The following DHX29 variants were observed in gnomAD, a reference collection of about 807,000 sequenced individuals.
The protein encoded by DHX29 is DExH-box helicase 29, also known as ATP-dependent RNA helicase DHX29.
In DHX29, 79 loss-of-function variants were observed where a neutral mutation model predicts 167.9. The observed-to-expected ratio is 0.47, with a 90% CI of 0.39 to 0.57. The LOEUF is 0.57. Ranked by LOEUF, DHX29 falls within the 20% of genes least tolerant of loss-of-function variation. DHX29 has a pLI of 0.00. For synonymous variants in DHX29, 530 were observed against 546.0 expected (o/e 0.97, Z 0.41); for missense variants, 1,347 against 1,593.4 (o/e 0.85, Z 2.63).
chr5:55,261,317 A>C, intron 25 of DHX29, 51 bp downstream of exon 25: 1 of 1,011,792 alleles, frequency 9.9e-7, no homozygotes, highest in Non-Finnish European at 1.5e-6. Context: ...CCTCAATGGT[A>C]CTGGAAGTTG....
In DHX29 at chr5:55,270,488, C is replaced by G. The variant is rs1287516349; in HGVS notation, c.2994-1G>C. On this transcript the variant is annotated splice_acceptor_variant, in intron 19 of 26. Coordinates refer to ENST00000251636, the MANE Select transcript of DHX29 (RefSeq NM_019030.4). LOFTEE classifies it high-confidence loss of function. ...AGAATAATCCATAAAGCCTTCAAAT[C>G]TGAAAAATAAAGTAATACTAAATAC... is the stretch of plus-strand genomic sequence containing the variant. 1 of 1,613,212 alleles carries G rather than the reference C, an allele frequency of 6.2e-7. No homozygotes were observed. The highest frequency in any genetic ancestry group is 1.7e-5 in the Admixed American group (1 of 59,850).
chr5:55,274,514 C>A, intron 16 of DHX29, 100 bp downstream of exon 16: 1 of 827,976 alleles, frequency 1.2e-6, no homozygotes. Context: ...AATTTTAACC[C>A]ATGGTGAAAA....
chr5:55,299,000 G>T (rs578098066), intron 1 of DHX29, among the ~76,000 whole-genome samples: 52 of 137,250 alleles, frequency 3.8e-4, no homozygotes, highest in Non-Finnish European at 6.6e-4. Context: ...ACTGCAGTCC[G>T]CAGTCCGGCC....
At chr5:55,276,008 G>A (rs551653120) in intron 14 of DHX29, among the ~76,000 whole-genome samples, 2 of 152,238 alleles carry the variant, frequency 1.3e-5, no homozygotes, top group Admixed American at 1.3e-4. Flanking sequence ...AATTTGTATG[G>A]TCCTTGATTT....
Position 55,285,348 on chromosome 5 carries a change from AT to A in DHX29, c.1300del (p.Met434CysfsTer10). The A allele has an allele frequency of 6.2e-7, 1 of 1,613,966 alleles. No homozygotes were observed. Reference sequence around the variant, plus strand: ...AGTAGCTCCCAGGTGCTGAGCTTGCATGCCATCTTCTGTTAAGATTGTAGGG... The same window carrying A: ...AGTAGCTCCCAGGTGCTGAGCTTGCAGCCATCTTCTGTTAAGATTGTAGGG... Reference protein sequence around the residue: ...VCPTILTEDGMQAQHLGATLA... With the variant: ...VCPTILTEDGXQAQHLGATLA... On this transcript the variant is annotated frameshift_variant, in exon 10 of 27. Coordinates refer to ENST00000251636, the MANE Select transcript of DHX29 (RefSeq NM_019030.4). LOFTEE classifies it high-confidence loss of function.
chr5:55,291,662 T>A (rs1174999132), intron 6 of DHX29, among the ~76,000 whole-genome samples: 1 of 152,196 alleles, frequency 6.6e-6, no homozygotes, highest in Non-Finnish European at 1.5e-5. Flanking sequence ...TCTATTCCCA[T>A]TAAGCATAAC....
At chr5:55,267,489 C>A (rs1225910565) in intron 22 of DHX29, among the ~76,000 whole-genome samples, 197 bp downstream of exon 22, 1 of 151,786 alleles carries the variant, frequency 6.6e-6, no homozygotes, top group East Asian at 1.9e-4. Flanking sequence ...CATATAATAC[C>A]AAATATATTA....
chr5:55,294,045 CTT>C lies in DHX29; in HGVS notation c.750_751del (p.Ser251PhefsTer8). 1 of 1,608,536 alleles carries C rather than the reference CTT, an allele frequency of 6.2e-7. No individual in the cohort carries two copies. The highest frequency in any genetic ancestry group is 8.5e-7 in the Non-Finnish European group (1 of 1,178,244). On this transcript the variant is annotated frameshift_variant, in exon 6 of 27. Transcript: ENST00000251636. LOFTEE classifies it high-confidence loss of function. ...GTCAAATTTTTCCTCCTCTTCTAAA[CTT>C]TTAGAATTCTCATTCTTTTCTTCTT...
At chr5:55,277,905 C>CAA (rs753851538) in intron 12 of DHX29, among the ~76,000 whole-genome samples, 90 of 61,806 alleles carry the variant, frequency 1.5e-3, no homozygotes, top group Admixed American at 3.1e-3. Flanking sequence ...GACTCTATCT[C>CAA]AAAAAAAAAA....
intron 21 of DHX29, among the ~76,000 whole-genome samples, chr5:55,269,014 TAAA>T (rs1460800623): frequency 2.0e-5 from 3 of 151,738 alleles, no homozygotes; most frequent in Admixed American, 2.0e-4. Context: ...TATATAAATA[TAAA>T]AAGTTAAATA....
chr5:55,297,865 T>C (rs1748400902), intron 2 of DHX29, among the ~76,000 whole-genome samples: 1 of 152,230 alleles, frequency 6.6e-6, no homozygotes, highest in Non-Finnish European at 1.5e-5. Context: ...GCTTCTAGAC[T>C]TTGATTCCTA....
rs1017980056 is a variant in DHX29, at chr5:55,273,327, G to A, written c.2741C>T (p.Ala914Val). 5 of 1,597,452 alleles carry A rather than the reference G, an allele frequency of 3.1e-6. No individual in the cohort carries two copies. Among genetic ancestry groups the A allele is most frequent in the Non-Finnish European group, 4.3e-6 (5 of 1,169,186 alleles). Residue 914 changes from alanine (A) to valine (V), a missense_variant, in exon 17 of 27, where the codon GCA becomes GTA. This residue lies in a region of DHX29 where 882 missense variants were observed against 1,082.4 expected (regional missense o/e 0.81). Transcript: ENST00000251636. ...TCCTGGAGGGGGAAGTGTGAATGCT[G>A]CAGCTTGATCTTGGGTTGAAAGAAT... ...HSILSTQDQA[A>V]AFTLPPPGVR...
At chr5:55,293,314 G>A (rs770038241) in intron 6 of DHX29, among the ~76,000 whole-genome samples, 25 of 152,172 alleles carry the variant, frequency 1.6e-4, no homozygotes, top group Non-Finnish European at 3.7e-4. Context: ...TGGGTCACAT[G>A]ACAAGTATTT....
chr5:55,299,843 C>A (rs982129696), intron 1 of DHX29, among the ~76,000 whole-genome samples: 11 of 152,170 alleles, frequency 7.2e-5, no homozygotes, highest in African/African-American at 2.4e-4. Flanking sequence ...ACTCACTCAA[C>A]CCACTACAGT....
At position 55,283,350 on chromosome 5, in the gene DHX29, T is replaced by G; in HGVS notation, c.1818A>C (p.Pro606=). 6.2e-7 allele frequency: 1 copy of G among 1,614,190 alleles called. No individual in the cohort carries two copies. Among genetic ancestry groups the G allele is most frequent in the Non-Finnish European group, 8.5e-7 (1 of 1,180,020 alleles). Residue 606 remains proline (P), a synonymous_variant, in exon 11 of 27, where the codon CCA becomes CCC. Coordinates refer to ENST00000251636, the MANE Select transcript of DHX29 (RefSeq NM_019030.4). Reference sequence around the variant, plus strand: ...GAAGCAAATCTTCCAATAGAAAATGTGGTACCTGAGTACTTTTACCACTCC... The same window carrying G: ...GAAGCAAATCTTCCAATAGAAAATGGGGTACCTGAGTACTTTTACCACTCC... The part of the protein sequence containing the change: ...ETGSGKSTQV[P]HFLLEDLLLN...
At chr5:55,300,034 T>C (rs1180187146) in intron 1 of DHX29, among the ~76,000 whole-genome samples, 1 of 152,234 alleles carries the variant, frequency 6.6e-6, no homozygotes, top group Non-Finnish European at 1.5e-5. Flanking sequence ...ATACTTAGTA[T>C]ATTATAAATT....
intron 16 of DHX29, 48 bp downstream of exon 16, chr5:55,274,566 T>C (rs1747011243): frequency 5.9e-6 from 8 of 1,366,906 alleles, no homozygotes; most frequent in Non-Finnish European, 7.1e-6. Flanking sequence ...GTACCAAATA[T>C]TTTCCTATTT....
In DHX29 at chr5:55,269,650, A is replaced by C. The variant is rs1217539389; in HGVS notation, c.3070-13T>G. On this transcript the variant is annotated splice_polypyrimidine_tract_variant and intron_variant, in intron 20 of 26. Coordinates refer to ENST00000251636, the MANE Select transcript of DHX29 (RefSeq NM_019030.4). Reference sequence around the variant, plus strand: ...CAAGATTACATTTCTGCAGATTAAAAAAGCAATAAAATTGGTATGAAATCA... The same window carrying C: ...CAAGATTACATTTCTGCAGATTAAACAAGCAATAAAATTGGTATGAAATCA... The C allele has an allele frequency of 1.2e-5, 19 of 1,601,166 alleles. No homozygotes were observed. Among genetic ancestry groups the C allele is most frequent in the Non-Finnish European group, 1.6e-5 (19 of 1,169,118 alleles).
chr5:55,300,435 C>T (rs1036893043), intron 1 of DHX29, among the ~76,000 whole-genome samples: 4 of 152,006 alleles, frequency 2.6e-5, no homozygotes, highest in South Asian at 2.1e-4. Context: ...GCACTTGGGA[C>T]GCGGAGGCGG....
Sources: gnomAD v4.1 joint callset for allele counts (sites outside exome capture counted in the v4.1 genomes callset) on GRCh38, gnomAD v4.1.1 for gene constraint, gnomAD v4.1.1 regional missense constraint, MANE v1.5 for transcripts, NCBI Gene and HGNC (gene_info 2026-07-23, HGNC 2026-07-21) for gene names.